RAP1GDS1: variants seen among roughly 807,000 people sequenced by gnomAD.
RAP1GDS1 encodes Rap1 GTPase-GDP dissociation stimulator 1.
RAP1GDS1 carries 35 observed loss-of-function variants against 71.1 expected under a neutral mutation model. The ratio of observed to expected loss-of-function variants is 0.49; its 90% CI spans 0.38 to 0.65. RAP1GDS1 has a LOEUF of 0.65. Ranked by LOEUF, RAP1GDS1 falls within the 30% of genes least tolerant of loss-of-function variation. RAP1GDS1 has a pLI of 0.00. For synonymous variants in RAP1GDS1, 229 were observed against 243.1 expected, an observed-to-expected ratio of 0.94 and a Z score of 0.54; for missense variants, 663 against 706.1, an observed-to-expected ratio of 0.94 and a Z score of 0.69.
chr4:98,404,663 ATAT>A, intron 7 of RAP1GDS1, 61 bp downstream of exon 7: 3 of 1,524,680 alleles, frequency 2.0e-6, no homozygotes, highest in South Asian at 2.5e-5. Flanking sequence ...TTTTTTCCTA[ATAT>A]TATTTAATTG....
chr4:98,332,100 AGT>A (rs2110370073), intron 2 of RAP1GDS1, among the ~76,000 whole-genome samples: 1 of 152,340 alleles, frequency 6.6e-6, no homozygotes, highest in Admixed American at 6.5e-5. Flanking sequence ...ATTTTTCTGC[AGT>A]GTAATTGCTT....
At chr4:98,301,264 G>A (rs183302732) in intron 2 of RAP1GDS1, among the ~76,000 whole-genome samples, 6 of 151,876 alleles carry the variant, frequency 4.0e-5, no homozygotes, top group African/African-American at 1.5e-4. Context: ...TGAGGGCTTA[G>A]CACTGGTGCT....
At chr4:98,321,646 A>G (rs1404875206) in intron 2 of RAP1GDS1, among the ~76,000 whole-genome samples, 45 of 148,904 alleles carry the variant, frequency 3.0e-4, no homozygotes, top group Non-Finnish European at 5.1e-4. Flanking sequence ...TTTTCAACCC[A>G]GAATTTCATA....
At chr4:98,360,353 C>G (rs75452630) in intron 4 of RAP1GDS1, among the ~76,000 whole-genome samples, 3,139 of 152,094 alleles carry the variant, frequency 0.021, 117 homozygotes, top group Admixed American at 0.11. Context: ...GCCTTCCCCC[C>G]CAACCCCACC....
chr4:98,366,130 A>G (rs945311145), intron 4 of RAP1GDS1, among the ~76,000 whole-genome samples: 1 of 152,164 alleles, frequency 6.6e-6, no homozygotes, highest in Non-Finnish European at 1.5e-5. Flanking sequence ...TCCTCACCCA[A>G]ATCTCATCTT....
At chr4:98,404,224 CTT>C (rs1745821153) in intron 6 of RAP1GDS1, among the ~76,000 whole-genome samples, 1 of 152,066 alleles carries the variant, frequency 6.6e-6, no homozygotes. Context: ...GAATTTATGA[CTT>C]AGTAATTTTG....
chr4:98,285,505 C>A (rs754639532), intron 1 of RAP1GDS1, among the ~76,000 whole-genome samples: 5 of 152,006 alleles, frequency 3.3e-5, no homozygotes, highest in Non-Finnish European at 7.4e-5. Context: ...AACACAGGAG[C>A]CTAATAAAAC....
At position 98,424,703 on chromosome 4, in the gene RAP1GDS1, G is replaced by A. The variant is rs1348890545; in HGVS notation, c.1440+3309G>A. 2.7e-4 allele frequency among the ~76,000 whole-genome samples: 41 copies of A among 151,308 alleles called. 2 individuals carry two copies. The highest frequency in any genetic ancestry group is 2.7e-3 in the Admixed American group (41 of 15,178). Reference sequence around the variant, plus strand: ...TTGAACCTGGGAAGCGGAGGTTGCAGTGAGCCAAGATCGTGCCACTGCACT... The same window carrying A: ...TTGAACCTGGGAAGCGGAGGTTGCAATGAGCCAAGATCGTGCCACTGCACT... On this transcript the variant is annotated intron_variant, in intron 12 of 14. Coordinates refer to ENST00000408927, the MANE Select transcript of RAP1GDS1 (RefSeq NM_001100427.2).
At chr4:98,423,664 C>G (rs2110198368) in intron 12 of RAP1GDS1, among the ~76,000 whole-genome samples, 1 of 152,238 alleles carries the variant, frequency 6.6e-6, no homozygotes, top group South Asian at 2.1e-4. Context: ...CCTGCCTCAG[C>G]CTCCTGAGTA....
intron 7 of RAP1GDS1, chr4:98,409,418 A>G (rs1458444182): frequency 6.5e-6 from 1 of 154,800 alleles, no homozygotes; most frequent in East Asian, 1.9e-4. Context: ...ACATCAGAGG[A>G]ATGCATCCTG....
intron 1 of RAP1GDS1, among the ~76,000 whole-genome samples, chr4:98,273,506 T>A (rs948728406): frequency 2.0e-5 from 3 of 152,138 alleles, no homozygotes; most frequent in Admixed American, 6.6e-5. Context: ...TCTTTTTTTT[T>A]AATTTATATT....
chr4:98,409,204 A>G (rs916417986), intron 7 of RAP1GDS1: 7 of 151,864 alleles, frequency 4.6e-5, no homozygotes, highest in African/African-American at 1.4e-4. Flanking sequence ...CTATATACCA[A>G]AAAAGAAAAA....
At chr4:98,413,653 T>C (rs1459364847) in intron 7 of RAP1GDS1, among the ~76,000 whole-genome samples, 1 of 152,000 alleles carries the variant, frequency 6.6e-6, no homozygotes, top group African/African-American at 2.4e-5. Context: ...AAGTCTTTGC[T>C]ATTGTGAATA....
At chr4:98,389,165 A>AT (rs1384251532) in intron 5 of RAP1GDS1, among the ~76,000 whole-genome samples, 1 of 152,124 alleles carries the variant, frequency 6.6e-6, no homozygotes, top group Non-Finnish European at 1.5e-5. Context: ...AAATCTTGGG[A>AT]TTTTTATGAA....
At chr4:98,358,765 A>G (rs1738302491) in intron 4 of RAP1GDS1, among the ~76,000 whole-genome samples, 1 of 152,064 alleles carries the variant, frequency 6.6e-6, no homozygotes, top group Admixed American at 6.6e-5. Flanking sequence ...GTAAAAACTG[A>G]TGAAATATGA....
chr4:98,386,919 C>T (rs1416935197), intron 5 of RAP1GDS1, among the ~76,000 whole-genome samples: 1 of 151,970 alleles, frequency 6.6e-6, no homozygotes, highest in East Asian at 1.9e-4. Flanking sequence ...TTTTCATATC[C>T]TTTTTTGGAA....
intron 1 of RAP1GDS1, among the ~76,000 whole-genome samples, chr4:98,277,245 C>T (rs769457544): frequency 6.6e-6 from 1 of 152,200 alleles, no homozygotes. Flanking sequence ...CTAATCACCT[C>T]ATTCCTGTAG....
Position 98,442,284 on chromosome 4 carries a change from A to T in RAP1GDS1, c.*167A>T, listed in dbSNP as rs755505548. On this transcript the variant is annotated 3_prime_UTR_variant, in exon 15 of 15. Transcript: ENST00000408927. The stretch of plus-strand genomic sequence containing the variant: ...CCTCCCTAATAAGATTTCTAAACCT[A>T]TAGTTAGTGTGATCATGACTTTGTC... 2 of 916,694 alleles carry T rather than the reference A, an allele frequency of 2.2e-6. No individual in the cohort carries two copies. Among genetic ancestry groups the T allele is most frequent in the Non-Finnish European group, 3.1e-6 (2 of 650,154 alleles). 56.8% of individuals were successfully genotyped at this position (916,694 alleles called of 1,614,324 possible). A position where few individuals can be genotyped will look rare whatever the true frequency, so the allele number is the denominator to read the frequency against.
At chr4:98,319,290 G>A (rs139896971) in intron 2 of RAP1GDS1, among the ~76,000 whole-genome samples, 281 of 152,196 alleles carry the variant, frequency 1.8e-3, no homozygotes, top group Non-Finnish European at 3.3e-3. Context: ...AATTAATAGT[G>A]TAACTTAAAT....
Sources: allele counts gnomAD v4.1 joint callset (sites outside exome capture counted in the v4.1 genomes callset), GRCh38; gene constraint gnomAD v4.1.1; transcripts MANE v1.5; gene names NCBI Gene and HGNC (gene_info 2026-07-23, HGNC 2026-07-21).